Variants in ERO1B observed in about 807,000 individuals in gnomAD.
The protein encoded by ERO1B is endoplasmic reticulum oxidoreductase 1 beta.
ERO1B carries 49 observed loss-of-function variants against 75.3 expected under a neutral mutation model. That is an observed-to-expected ratio of 0.65 (90% confidence interval 0.52 to 0.83). The LOEUF is 0.83. Ranked by LOEUF, ERO1B falls within the 40% of genes least tolerant of loss-of-function variation. The probability of loss-of-function intolerance (pLI) is 0.00; values close to 1 mark genes in which losing one functional copy is unlikely to be tolerated. For missense variants in ERO1B, 512 were observed against 560.1 expected (o/e 0.91, Z 0.87); for synonymous variants, 191 against 192.9 (o/e 0.99, Z 0.08).
intron 5 of ERO1B, among the ~76,000 whole-genome samples, chr1:236,247,616 C>T (rs1194741546): frequency 6.6e-6 from 1 of 152,070 alleles, no homozygotes. Flanking sequence ...TGTTCAAAAC[C>T]TCCCTGTGAG....
At chr1:236,221,391 A>T (rs1331781933) in intron 14 of ERO1B, among the ~76,000 whole-genome samples, 1 of 152,152 alleles carries the variant, frequency 6.6e-6, no homozygotes, top group Non-Finnish European at 1.5e-5. Context: ...TATAGCCTCC[A>T]CTGTAATAAT....
At chr1:236,254,550 T>C (rs191733032) in intron 2 of ERO1B, among the ~76,000 whole-genome samples, 38 of 152,330 alleles carry the variant, frequency 2.5e-4, no homozygotes, top group Non-Finnish European at 2.1e-4. Context: ...TCTTCTATTA[T>C]GCTCCTCTGG....
intron 15 of ERO1B, among the ~76,000 whole-genome samples, chr1:236,219,092 G>A (rs192065288): frequency 3.3e-5 from 5 of 152,240 alleles, no homozygotes; most frequent in Admixed American, 1.3e-4. Context: ...ACTCTGGGAT[G>A]GGAAATATAA....
intron 15 of ERO1B, 118 bp from the exon 16 acceptor site, chr1:236,218,694 A>C: frequency 1.2e-6 from 1 of 859,916 alleles, no homozygotes; most frequent in Non-Finnish European, 1.5e-6. Flanking sequence ...AAAACCTCAA[A>C]CACTGAAGCT....
At chr1:236,260,774 G>A (rs766717882) in intron 2 of ERO1B, among the ~76,000 whole-genome samples, 1 of 151,620 alleles carries the variant, frequency 6.6e-6, no homozygotes, top group Non-Finnish European at 1.5e-5. Flanking sequence ...AAAAATTGAA[G>A]AGAAGGTAAT....
chr1:236,265,061 T>A (rs75955709), intron 2 of ERO1B, among the ~76,000 whole-genome samples: 2,584 of 131,716 alleles, frequency 0.02, 75 homozygotes, highest in African/African-American at 0.064. Context: ...TTTTTTTTTT[T>A]AAATCAGAGC....
intron 13 of ERO1B, among the ~76,000 whole-genome samples, chr1:236,224,669 A>G (rs1558505492): frequency 6.6e-6 from 1 of 152,186 alleles, no homozygotes; most frequent in Non-Finnish European, 1.5e-5. Context: ...GGACAAAAAC[A>G]TAATATATGT....
chr1:236,249,344 C>T (rs1470389578), intron 5 of ERO1B, among the ~76,000 whole-genome samples: 2 of 151,966 alleles, frequency 1.3e-5, no homozygotes, highest in African/African-American at 4.8e-5. Context: ...CAAACCTAAT[C>T]AAATGGGAAT....
intron 2 of ERO1B, among the ~76,000 whole-genome samples, chr1:236,253,950 A>G (rs552383352): frequency 2.0e-5 from 3 of 152,318 alleles, no homozygotes; most frequent in Admixed American, 6.5e-5. Flanking sequence ...CAGTGCTACA[A>G]AGAAAATCCA....
intron 2 of ERO1B, among the ~76,000 whole-genome samples, chr1:236,260,877 C>A (rs1665279338): frequency 6.6e-6 from 1 of 151,678 alleles, no homozygotes; most frequent in South Asian, 2.1e-4. Context: ...AACTACAGGC[C>A]AACAGCCCTG....
At chr1:236,240,419 G>C (rs1045878876) in intron 6 of ERO1B, among the ~76,000 whole-genome samples, 1 of 151,968 alleles carries the variant, frequency 6.6e-6, no homozygotes, top group Non-Finnish European at 1.5e-5. Context: ...ATAGACTCAG[G>C]ATTAAGCTTA....
chr1:236,281,648 CG>C, intron 1 of ERO1B, 33 bp downstream of exon 1: 1 of 1,360,994 alleles, frequency 7.3e-7, no homozygotes, highest in Non-Finnish European at 9.6e-7. Flanking sequence ...GGTGTTCGGC[CG>C]GGGGTTCCCG....
rs1016288108 is a variant in ERO1B, at chr1:236,218,456, A to G, written c.*60T>C. 1.5e-6 allele frequency: 2 copies of G among 1,355,876 alleles called. No individual in the cohort carries two copies. Among genetic ancestry groups the G allele is most frequent in the Non-Finnish European group, 1.9e-6 (2 of 1,042,106 alleles). 84.0% of individuals were successfully genotyped at this position (1,355,876 alleles called of 1,614,324 possible). ...ATTAGTGTCTTTCTGATGAATGTCC[A>G]TAATTAAAAGGCTTTCCACAGTCAC... On this transcript the variant is annotated 3_prime_UTR_variant, in exon 16 of 16. Transcript: ENST00000354619.
chr1:236,242,094 T>C (rs938048346), intron 6 of ERO1B, among the ~76,000 whole-genome samples: 2 of 151,828 alleles, frequency 1.3e-5, no homozygotes, highest in African/African-American at 4.8e-5. Flanking sequence ...TCGTTAACAC[T>C]GTTTATACTG....
chr1:236,224,974 C>G (rs1664242351), intron 13 of ERO1B, 96 bp downstream of exon 13: 1 of 1,140,878 alleles, frequency 8.8e-7, no homozygotes, highest in Admixed American at 1.7e-5. Flanking sequence ...TGACAAGAAG[C>G]TGGAAAACTG....
intron 5 of ERO1B, among the ~76,000 whole-genome samples, chr1:236,247,396 A>T (rs572151411): frequency 6.6e-6 from 1 of 152,286 alleles, no homozygotes; most frequent in Admixed American, 6.5e-5. Context: ...CCAAAAGCTC[A>T]TATCTTCTCA....
At chr1:236,255,401 C>G (rs1040499705) in intron 2 of ERO1B, among the ~76,000 whole-genome samples, 1 of 152,058 alleles carries the variant, frequency 6.6e-6, no homozygotes, top group Non-Finnish European at 1.5e-5. Context: ...CAACCTCTAC[C>G]CCAACGTACT....
At chr1:236,248,321 G>T (rs892778039) in intron 5 of ERO1B, among the ~76,000 whole-genome samples, 1 of 152,280 alleles carries the variant, frequency 6.6e-6, no homozygotes, top group East Asian at 1.9e-4. Context: ...GATACAAGCT[G>T]TCAGCACTGG....
intron 2 of ERO1B, among the ~76,000 whole-genome samples, chr1:236,266,708 G>A (rs1383090252): frequency 6.6e-6 from 1 of 152,060 alleles, no homozygotes; most frequent in East Asian, 1.9e-4. Flanking sequence ...GTTGTAGGTA[G>A]AGTATATTGA....
Sources: allele counts gnomAD v4.1 joint callset (sites outside exome capture counted in the v4.1 genomes callset), GRCh38; gene constraint gnomAD v4.1.1; transcripts MANE v1.5; gene names NCBI Gene and HGNC (gene_info 2026-07-23, HGNC 2026-07-21).